Variants in FAM171A1 observed in about 807,000 individuals in gnomAD.
The protein encoded by FAM171A1 is family with sequence similarity 171 member A1.
FAM171A1 carries 23 observed loss-of-function variants against 74.9 expected under a neutral mutation model. The ratio of observed to expected loss-of-function variants is 0.31; its 90% CI spans 0.22 to 0.44. FAM171A1 has a LOEUF of 0.44. Ranked by LOEUF, FAM171A1 falls within the 20% of genes least tolerant of loss-of-function variation. The pLI, the probability that FAM171A1 is intolerant of heterozygous loss-of-function variation, is 1.00. For synonymous variants in FAM171A1, 527 were observed against 505.7 expected, an observed-to-expected ratio of 1.04 and a Z score of -0.57; for missense variants, 1,162 against 1,159.2, an observed-to-expected ratio of 1.00 and a Z score of -0.03.
intron 1 of FAM171A1, among the ~76,000 whole-genome samples, chr10:15,339,600 C>A (rs773774645): frequency 3.3e-4 from 51 of 152,246 alleles, no homozygotes; most frequent in Admixed American, 8.5e-4. Context: ...TCCTACTATC[C>A]ACAGTATTCA....
intron 3 of FAM171A1, among the ~76,000 whole-genome samples, chr10:15,261,827 A>G (rs765966920): frequency 1.3e-5 from 2 of 152,158 alleles, no homozygotes; most frequent in Non-Finnish European, 2.9e-5. Flanking sequence ...GTCCCAATCA[A>G]GAGTTTGGGG....
chr10:15,219,771 G>A (rs545089280), intron 6 of FAM171A1, among the ~76,000 whole-genome samples: 2 of 152,198 alleles, frequency 1.3e-5, no homozygotes, highest in East Asian at 1.9e-4. Context: ...GAGTAGAGAC[G>A]GGGTTTCACC....
chr10:15,247,578 G>T (rs1834451111), intron 5 of FAM171A1, among the ~76,000 whole-genome samples: 1 of 152,056 alleles, frequency 6.6e-6, no homozygotes, highest in South Asian at 2.1e-4. Flanking sequence ...TACCAGTGTG[G>T]GTCTGTGTGA....
intron 1 of FAM171A1, among the ~76,000 whole-genome samples, chr10:15,308,409 GAA>G (rs1835322039): frequency 6.6e-6 from 1 of 152,338 alleles, no homozygotes; most frequent in East Asian, 1.9e-4. Context: ...TTCAAAAGCA[GAA>G]AGTTTTTAAA....
chr10:15,335,634 G>A (rs867511679), intron 1 of FAM171A1, among the ~76,000 whole-genome samples: 37 of 152,290 alleles, frequency 2.4e-4, no homozygotes, highest in Middle Eastern at 3.4e-3. Context: ...AAATAAAGAT[G>A]CTGAACTTGT....
chr10:15,275,093 G>A (rs1416708749), intron 3 of FAM171A1, among the ~76,000 whole-genome samples: 4 of 152,012 alleles, frequency 2.6e-5, no homozygotes, highest in Non-Finnish European at 5.9e-5. Context: ...TACACACCGG[G>A]GCCTGTCGTG....
At chr10:15,289,246 C>T (rs986809395) in intron 1 of FAM171A1, among the ~76,000 whole-genome samples, 4 of 152,186 alleles carry the variant, frequency 2.6e-5, no homozygotes, top group African/African-American at 9.7e-5. Flanking sequence ...CAGCTGTCAT[C>T]TGACTAGGCA....
At chr10:15,227,276 T>C (rs1834121166) in intron 5 of FAM171A1, among the ~76,000 whole-genome samples, 1 of 152,156 alleles carries the variant, frequency 6.6e-6, no homozygotes, top group Non-Finnish European at 1.5e-5. Context: ...GTAGGGATTA[T>C]AGGTGTGAGC....
At position 15,312,043 on chromosome 10, in the gene FAM171A1, C is replaced by T. The variant is rs957196963; in HGVS notation, c.98-27938G>A. Among the ~76,000 whole-genome samples the T allele has an allele frequency of 4.1e-4, 62 of 152,294 alleles. 1 individual carries two copies. The highest frequency in any genetic ancestry group is 7.4e-4 in the Non-Finnish European group (50 of 68,026). Reference sequence around the variant, plus strand: ...TGACTCGGAGAAGGTGAGTGACCTGCCCAGGGCACACAGCTGCCACCCAGC... The same window carrying T: ...TGACTCGGAGAAGGTGAGTGACCTGTCCAGGGCACACAGCTGCCACCCAGC... On this transcript the variant is annotated intron_variant, in intron 1 of 7. Transcript: ENST00000378116.
chr10:15,370,635 G>A (rs1836129768), intron 1 of FAM171A1, among the ~76,000 whole-genome samples: 2 of 151,680 alleles, frequency 1.3e-5, no homozygotes, highest in Admixed American at 1.3e-4. Context: ...TCCGAGGCGC[G>A]GCATAAAGGG....
intron 1 of FAM171A1, among the ~76,000 whole-genome samples, chr10:15,341,640 A>T (rs543527535): frequency 9.2e-5 from 14 of 152,242 alleles, no homozygotes; most frequent in Non-Finnish European, 1.8e-4. Context: ...AGTATCAGAG[A>T]GGGAAAAGTG....
intron 1 of FAM171A1, among the ~76,000 whole-genome samples, chr10:15,300,460 G>A: frequency 6.6e-6 from 1 of 152,094 alleles, no homozygotes; most frequent in East Asian, 1.9e-4. Context: ...ACTGCCTGGT[G>A]ACTTTGTGAG....
intron 3 of FAM171A1, among the ~76,000 whole-genome samples, chr10:15,260,574 C>T (rs1160061241): frequency 6.6e-6 from 1 of 152,156 alleles, no homozygotes; most frequent in African/African-American, 2.4e-5. Flanking sequence ...TAGACTGAAG[C>T]TCCTTAAACC....
At chr10:15,263,848 C>CATCTATCTATCT (rs56341083) in intron 3 of FAM171A1, among the ~76,000 whole-genome samples, 18 of 143,872 alleles carry the variant, frequency 1.3e-4, no homozygotes, top group South Asian at 2.4e-4. Flanking sequence ...ACATTTATCT[C>CATCTATCTATCT]ATCTATCTAT....
At position 15,248,698 on chromosome 10, in the gene FAM171A1, G is replaced by A. The variant is rs757735986; in HGVS notation, c.695C>T (p.Thr232Met). 23 of 1,613,094 alleles carry A rather than the reference G, an allele frequency of 1.4e-5. No homozygotes were observed. Among genetic ancestry groups the A allele is most frequent in the East Asian group, 4.5e-5 (2 of 44,832 alleles). Residue 232 changes from threonine to methionine, a missense_variant, in exon 5 of 8, where the codon ACG (threonine) becomes ATG (methionine). Physicochemically the swap from Thr to Met is moderately conservative, Grantham distance 81 (BLOSUM62 -1). Transcript: ENST00000378116. ...GPIYVTVPLA[T>M]QSSLRHNAYV... is the part of the protein sequence containing the mutation. ...GGCATTGTGCCTCAGGCTGCTCTGC[G>A]TGGCCAGGGGCACAGTGACATAGAT...
intron 4 of FAM171A1, among the ~76,000 whole-genome samples, chr10:15,253,276 T>C (rs891297486): frequency 6.6e-6 from 1 of 152,154 alleles, no homozygotes; most frequent in Admixed American, 6.5e-5. Flanking sequence ...AGTGCTGGGA[T>C]TACAGGCATG....
At chr10:15,307,930 G>A (rs141370285) in intron 1 of FAM171A1, among the ~76,000 whole-genome samples, 8 of 151,590 alleles carry the variant, frequency 5.3e-5, no homozygotes, top group African/African-American at 1.9e-4. Flanking sequence ...CAGCCTCCCA[G>A]GTAACTGGGA....
intron 1 of FAM171A1, among the ~76,000 whole-genome samples, chr10:15,335,688 C>T (rs1835692155): frequency 6.6e-6 from 1 of 152,176 alleles, no homozygotes; most frequent in Admixed American, 6.5e-5. Flanking sequence ...CAGCCTTCTT[C>T]ATTTTCAGGC....
chr10:15,237,478 G>C (rs1283845615), intron 5 of FAM171A1: 1 of 152,124 alleles, frequency 6.6e-6, no homozygotes. Flanking sequence ...AACAAATGTC[G>C]ATGTTCTGAG....
Sources: allele counts gnomAD v4.1 joint callset (sites outside exome capture counted in the v4.1 genomes callset), GRCh38; gene constraint gnomAD v4.1.1; transcripts MANE v1.5; gene names NCBI Gene and HGNC (gene_info 2026-07-23, HGNC 2026-07-21).